GLI3: variants seen among roughly 807,000 people sequenced by gnomAD.
The protein encoded by GLI3 is GLI family zinc finger 3, also known as transcription activator GLI3.
A neutral mutation model predicts 100.8 loss-of-function variants in GLI3; 20 were observed. That is an observed-to-expected ratio of 0.20 (90% CI 0.14 to 0.29). The LOEUF (loss-of-function observed/expected upper bound fraction) is 0.29. Ranked by LOEUF, GLI3 falls within the 10% of genes least tolerant of loss-of-function variation. GLI3 has a pLI of 1.00. For missense variants in GLI3, 2,040 were observed against 2,128.5 expected (o/e 0.96, Z 0.82); for synonymous variants, 938 against 860.5 (o/e 1.09, Z -1.58).
At chr7:42,077,090 C>A (rs1227528376) in intron 3 of GLI3, among the ~76,000 whole-genome samples, 2 of 152,150 alleles carry the variant, frequency 1.3e-5, no homozygotes, top group African/African-American at 4.8e-5. Flanking sequence ...CTGACTGCAA[C>A]TCAAACCCAG....
intron 10 of GLI3, among the ~76,000 whole-genome samples, chr7:41,990,500 A>C (rs1266232523): frequency 6.6e-6 from 1 of 152,210 alleles, no homozygotes; most frequent in Non-Finnish European, 1.5e-5. Context: ...CACATCACTG[A>C]AGTCTGATTC....
intron 2 of GLI3, among the ~76,000 whole-genome samples, chr7:42,180,364 G>A (rs72588293): frequency 0.1 from 15,403 of 152,268 alleles, 906 homozygotes; most frequent in South Asian, 0.21. Context: ...GAGAATGGCT[G>A]AGGGTGAAAA....
intron 2 of GLI3, among the ~76,000 whole-genome samples, chr7:42,208,959 A>T (rs1788210225): frequency 6.6e-6 from 1 of 152,232 alleles, no homozygotes; most frequent in Non-Finnish European, 1.5e-5. Context: ...GCTAATTGTA[A>T]TTATCAGCAA....
chr7:42,097,176 G>A (rs1328277784), intron 3 of GLI3, among the ~76,000 whole-genome samples: 1 of 152,190 alleles, frequency 6.6e-6, no homozygotes, highest in African/African-American at 2.4e-5. Flanking sequence ...GAATTCACTG[G>A]CACTCCCTGC....
In GLI3 at chr7:42,227,324, G is replaced by GAA. The variant is rs34418852; in HGVS notation, c.-42-4031_-42-4030dup. On this transcript the variant is annotated intron_variant, in intron 1 of 14. Transcript: ENST00000395925. Reference sequence around the variant, plus strand: ...GTTTGAGTCCCAGGAGCTCGGTGAAGAAAAAAAAAAAAAGCAACGCAAGGA... The same window carrying GAA: ...GTTTGAGTCCCAGGAGCTCGGTGAAGAAAAAAAAAAAAAAAGCAACGCAAGGA... Among the ~76,000 whole-genome samples the GAA allele has an allele frequency of 1.5e-3, 214 of 140,812 alleles. 2 individuals are homozygous for GAA. The highest frequency in any genetic ancestry group is 0.013 in the South Asian group (60 of 4,466). The allele number at this position is 140,812 out of a possible 152,430, so 92.4% of individuals were successfully genotyped here.
chr7:42,229,289 A>C (rs1189252242), intron 1 of GLI3, among the ~76,000 whole-genome samples: 1 of 152,206 alleles, frequency 6.6e-6, no homozygotes, highest in Non-Finnish European at 1.5e-5. Flanking sequence ...CAACTAAGTT[A>C]AAAGCCTATT....
intron 2 of GLI3, among the ~76,000 whole-genome samples, chr7:42,198,866 G>A (rs1787982019): frequency 6.6e-6 from 1 of 150,858 alleles, no homozygotes; most frequent in South Asian, 2.1e-4. Flanking sequence ...ACAACCAGAT[G>A]AGACATAATT....
At chr7:42,100,993 T>C (rs1676935457) in intron 3 of GLI3, among the ~76,000 whole-genome samples, 1 of 152,202 alleles carries the variant, frequency 6.6e-6, no homozygotes, top group African/African-American at 2.4e-5. Flanking sequence ...CAGTCTGTGG[T>C]ACCTTGTTCT....
chr7:42,171,014 T>C (rs1486165985), intron 2 of GLI3, among the ~76,000 whole-genome samples: 1 of 152,164 alleles, frequency 6.6e-6, no homozygotes, highest in Non-Finnish European at 1.5e-5. Flanking sequence ...TAGGGTTCTA[T>C]AACAATTGTG....
chr7:41,975,565 G>A (rs7794414), intron 12 of GLI3, among the ~76,000 whole-genome samples: 7,467 of 152,234 alleles, frequency 0.049, 269 homozygotes, highest in African/African-American at 0.094. Flanking sequence ...AATTGCTCAA[G>A]TGTGGTCAAT....
chr7:41,970,964 T>C (rs778307228), intron 13 of GLI3, among the ~76,000 whole-genome samples: 1 of 152,210 alleles, frequency 6.6e-6, no homozygotes, highest in Non-Finnish European at 1.5e-5. Flanking sequence ...TGATCAACCA[T>C]AATGTATAAA....
intron 10 of GLI3, among the ~76,000 whole-genome samples, chr7:41,999,809 T>C (rs1465137797): frequency 2.0e-5 from 3 of 152,128 alleles, no homozygotes; most frequent in African/African-American, 7.2e-5. Context: ...ATGCATACTA[T>C]CCATTCTCTG....
intron 1 of GLI3, among the ~76,000 whole-genome samples, chr7:42,228,065 G>C (rs1207609003): frequency 6.6e-6 from 1 of 152,152 alleles, no homozygotes; most frequent in African/African-American, 2.4e-5. Flanking sequence ...TCCCCTGCCC[G>C]AGGTCCCAGG....
At chr7:42,082,344 T>A (rs1181412859) in intron 3 of GLI3, among the ~76,000 whole-genome samples, 1 of 152,078 alleles carries the variant, frequency 6.6e-6, no homozygotes, top group Non-Finnish European at 1.5e-5. Context: ...GACTCCAAGA[T>A]GCAGACTGAC....
chr7:42,092,480 T>A (rs543703398), intron 3 of GLI3, among the ~76,000 whole-genome samples: 19 of 152,214 alleles, frequency 1.2e-4, no homozygotes, highest in Non-Finnish European at 1.5e-4. Flanking sequence ...ACAACGCTGT[T>A]CCCAACAAAG....
At chr7:42,175,122 C>T (rs2128678574) in intron 2 of GLI3, among the ~76,000 whole-genome samples, 1 of 152,174 alleles carries the variant, frequency 6.6e-6, no homozygotes, top group East Asian at 1.9e-4. Flanking sequence ...AAAAACACAC[C>T]ACCTATGTGG....
chr7:42,228,394 TG>T (rs576774029), intron 1 of GLI3, among the ~76,000 whole-genome samples: 12 of 152,046 alleles, frequency 7.9e-5, no homozygotes, highest in South Asian at 6.2e-4. Context: ...GGGGGCCATG[TG>T]GGGGTGGGGA....
chr7:41,966,043 C>T lies in GLI3; in HGVS notation c.3030G>A (p.Arg1010=), dbSNP rs1313483338. The change falls in exon 15 of 15, where the codon CGG becomes CGA. Residue 1010 remains arginine, a synonymous_variant. Transcript: ENST00000395925. This position sits in a 1 kb window ranked among gnomAD's most constrained non-coding sequence, Gnocchi z 5.8. ...HGVRRASDPV[R]TGSEGLALPR... ...GCAGGGCCAGGCCCTCGGAGCCTGT[C>T]CGCACCGGGTCGCTGGCCCTCCTCA... 1 of 1,589,344 alleles carries T rather than the reference C, an allele frequency of 6.3e-7. No individual in the cohort carries two copies. The highest frequency in any genetic ancestry group is 8.5e-7 in the Non-Finnish European group (1 of 1,174,092).
At chr7:42,247,434 T>C (rs1001833899) in intron 1 of GLI3, among the ~76,000 whole-genome samples, 3 of 152,178 alleles carry the variant, frequency 2.0e-5, no homozygotes, top group African/African-American at 7.2e-5. Flanking sequence ...GTACAGTCAT[T>C]GTCTAGTGTA....
Sources: gnomAD v4.1 joint callset for allele counts (sites outside exome capture counted in the v4.1 genomes callset) on GRCh38, gnomAD v4.1.1 for gene constraint, Gnocchi (gnomAD v3.1) non-coding constraint, MANE v1.5 for transcripts, NCBI Gene and HGNC (gene_info 2026-07-23, HGNC 2026-07-21) for gene names.